Variants in PTPRD observed in about 807,000 individuals in gnomAD.
PTPRD encodes the protein protein tyrosine phosphatase receptor type D, also known as receptor-type tyrosine-protein phosphatase delta.
A neutral mutation model predicts 214.5 loss-of-function variants in PTPRD; 34 were observed. The ratio of observed to expected loss-of-function variants is 0.16; its 90% confidence interval spans 0.12 to 0.21. PTPRD has a LOEUF of 0.21. Among genes scored for constraint, PTPRD ranks in the 10% least tolerant of loss-of-function variants. The pLI is 1.00. For synonymous variants in PTPRD, 1,128 were observed against 845.7 expected (o/e 1.33, Z -5.79); for missense variants, 2,545 against 2,398.7 (o/e 1.06, Z -1.27).
chr9:9,081,504 A>G (rs2099758960), intron 10 of PTPRD, among the ~76,000 whole-genome samples: 1 of 152,128 alleles, frequency 6.6e-6, no homozygotes. Context: ...GTAGATGTCT[A>G]CTAGGTCTTC....
chr9:9,425,856 A>G (rs1213486560), intron 8 of PTPRD, among the ~76,000 whole-genome samples: 1 of 151,910 alleles, frequency 6.6e-6, no homozygotes, highest in Non-Finnish European at 1.5e-5. Flanking sequence ...GTTGATTTTT[A>G]TATAATAATA....
intron 3 of PTPRD, among the ~76,000 whole-genome samples, chr9:10,117,451 A>C (rs2098739442): frequency 6.6e-6 from 1 of 152,126 alleles, no homozygotes; most frequent in Non-Finnish European, 1.5e-5. Context: ...TGGAGGCTAG[A>C]AGTACAAAAT....
At chr9:10,541,124 A>G (rs1400379083) in intron 2 of PTPRD, among the ~76,000 whole-genome samples, 4 of 152,226 alleles carry the variant, frequency 2.6e-5, no homozygotes. Flanking sequence ...TTTATGGCAT[A>G]AAACAGGACT....
At chr9:10,335,639 T>C (rs2096831977) in intron 3 of PTPRD, among the ~76,000 whole-genome samples, 1 of 151,458 alleles carries the variant, frequency 6.6e-6, no homozygotes, top group South Asian at 2.1e-4. Context: ...AAAGACACTG[T>C]CAAGAGAATG....
At chr9:10,505,969 G>A (rs566413579) in intron 2 of PTPRD, among the ~76,000 whole-genome samples, 1 of 152,100 alleles carries the variant, frequency 6.6e-6, no homozygotes, top group Admixed American at 6.6e-5. Flanking sequence ...TCATAGTCTT[G>A]AGGTATGTCA....
At chr9:9,182,982 G>T (rs1377993010) in intron 10 of PTPRD, among the ~76,000 whole-genome samples, 1 of 151,630 alleles carries the variant, frequency 6.6e-6, no homozygotes, top group African/African-American at 2.4e-5. Flanking sequence ...AAATCTATAA[G>T]CATCTGCTGC....
chr9:10,406,691 G>A (rs1382051702), intron 2 of PTPRD, among the ~76,000 whole-genome samples: 1 of 151,604 alleles, frequency 6.6e-6, no homozygotes, highest in African/African-American at 2.4e-5. Flanking sequence ...TTTAGCATGT[G>A]TATATCAATT....
intron 5 of PTPRD, among the ~76,000 whole-genome samples, chr9:9,880,613 T>G (rs1433677032): frequency 1.3e-5 from 2 of 152,124 alleles, no homozygotes; most frequent in Non-Finnish European, 2.9e-5. Flanking sequence ...AGAATTTAAT[T>G]TGTTTCTTTG....
chr9:10,425,497 C>A (rs544578442), intron 2 of PTPRD, among the ~76,000 whole-genome samples: 10 of 152,046 alleles, frequency 6.6e-5, no homozygotes, highest in African/African-American at 2.2e-4. Flanking sequence ...GTTCTCCAAG[C>A]ACTGAGGTAT....
intron 5 of PTPRD, among the ~76,000 whole-genome samples, chr9:9,870,940 G>C (rs1050582782): frequency 1.1e-4 from 17 of 152,070 alleles, no homozygotes; most frequent in African/African-American, 2.7e-4. Context: ...GTGGCAAAGA[G>C]TTGGAGAGAG....
At chr9:10,221,939 C>G (rs1304556446) in intron 3 of PTPRD, among the ~76,000 whole-genome samples, 1 of 151,804 alleles carries the variant, frequency 6.6e-6, no homozygotes, top group Non-Finnish European at 1.5e-5. Context: ...AATCTTATAA[C>G]AAACACAATT....
chr9:10,374,035 G>T (rs539594581), intron 2 of PTPRD, among the ~76,000 whole-genome samples: 1 of 151,970 alleles, frequency 6.6e-6, no homozygotes, highest in African/African-American at 2.4e-5. Context: ...CCTTAATTTA[G>T]TACAAATACT....
chr9:8,521,010 C>A (rs569683834), intron 20 of PTPRD, among the ~76,000 whole-genome samples: 1 of 152,086 alleles, frequency 6.6e-6, no homozygotes, highest in Admixed American at 6.6e-5. Flanking sequence ...ATTCCTAGTT[C>A]TGTCTGGTTA....
At chr9:9,353,030 T>C (rs2052088563) in intron 9 of PTPRD, among the ~76,000 whole-genome samples, 1 of 151,924 alleles carries the variant, frequency 6.6e-6, no homozygotes, top group Non-Finnish European at 1.5e-5. Context: ...TTTGAATTAA[T>C]TCTTCAAAAT....
intron 3 of PTPRD, among the ~76,000 whole-genome samples, chr9:10,093,185 A>C (rs2098449879): frequency 6.6e-6 from 1 of 151,620 alleles, no homozygotes; most frequent in South Asian, 2.1e-4. Context: ...GAGAGAAAAT[A>C]TAAGCAAACT....
At chr9:9,155,660 T>G (rs1366059683) in intron 10 of PTPRD, among the ~76,000 whole-genome samples, 1 of 152,200 alleles carries the variant, frequency 6.6e-6, no homozygotes, top group Non-Finnish European at 1.5e-5. Context: ...TTTTTTTGTT[T>G]GCTTGTTTCA....
Position 8,589,757 on chromosome 9 carries a change from C to T in PTPRD, c.352+43560G>A, listed in dbSNP as rs575477355. Among the ~76,000 whole-genome samples, 22 of 152,240 alleles carry T rather than the reference C, an allele frequency of 1.4e-4. No homozygotes were observed. In the East Asian group the frequency reaches 3.1e-3, roughly 21 times the overall value. ...TCAGAAATCAACAAAGTCATGCTTC[C>T]GTTTGAATGAGAAACTTGACACATT... is the stretch of plus-strand genomic sequence containing the variant. On this transcript the variant is annotated intron_variant, in intron 14 of 45. Coordinates refer to ENST00000381196, the MANE Select transcript of PTPRD (RefSeq NM_002839.4).
At position 9,582,642 on chromosome 9, in the gene PTPRD, A is replaced by G. The variant is rs377658840; in HGVS notation, c.-286-7861T>C. On this transcript the variant is annotated intron_variant, in intron 7 of 45. Coordinates refer to ENST00000381196, the MANE Select transcript of PTPRD (RefSeq NM_002839.4). ...TGCGATGATGAAATTATATCTCAAT[A>G]AAGCTGTTATTTTTAAAAGTTCCTT... is the stretch of plus-strand genomic sequence containing the variant. Among the ~76,000 whole-genome samples, 341 of 152,218 alleles carry G rather than the reference A, an allele frequency of 2.2e-3. 3 individuals are homozygous for G. The highest frequency in any genetic ancestry group is 7.4e-3 in the African/African-American group (307 of 41,570).
chr9:9,527,912 A>T (rs1195346779), intron 8 of PTPRD, among the ~76,000 whole-genome samples: 1 of 152,206 alleles, frequency 6.6e-6, no homozygotes, highest in African/African-American at 2.4e-5. Flanking sequence ...TGCCTTAAGC[A>T]ACATAGTCCA....
Sources: allele counts gnomAD v4.1 joint callset (sites outside exome capture counted in the v4.1 genomes callset), GRCh38; gene constraint gnomAD v4.1.1; transcripts MANE v1.5; gene names NCBI Gene and HGNC (gene_info 2026-07-23, HGNC 2026-07-21).